Variants in AOPEP observed in about 807,000 individuals in gnomAD.
AOPEP encodes aminopeptidase O (putative).
AOPEP carries 77 observed loss-of-function variants against 98.1 expected under a neutral mutation model. The observed-to-expected ratio is 0.78, with a 90% confidence interval of 0.65 to 0.95. The LOEUF (loss-of-function observed/expected upper bound fraction) is 0.95, where lower values mean the gene tolerates loss of function less well. AOPEP is among the 40% of genes least tolerant of loss of function. The pLI, the probability that AOPEP is intolerant of heterozygous loss-of-function variation, is 0.00. For synonymous variants in AOPEP, 346 were observed against 365.3 expected (o/e 0.95, Z 0.60); for missense variants, 1,024 against 1,024.7 (o/e 1.00, Z 0.01).
chr9:95,036,796 C>T (rs937327006), intron 13 of AOPEP, among the ~76,000 whole-genome samples: 2 of 151,760 alleles, frequency 1.3e-5, no homozygotes, highest in African/African-American at 2.4e-5. Flanking sequence ...TGCCTGGGCA[C>T]CTTGGCTTAA....
chr9:94,944,071 T>A (rs1485205688), intron 7 of AOPEP, among the ~76,000 whole-genome samples: 1 of 151,870 alleles, frequency 6.6e-6, no homozygotes, highest in Non-Finnish European at 1.5e-5. Flanking sequence ...TACCACTTCA[T>A]ACCTACTAGG....
the AOPEP span, chr9:95,110,514 AT>A: frequency 9.7e-7 from 1 of 1,030,632 alleles, no homozygotes; most frequent in Non-Finnish European, 1.2e-6. Flanking sequence ...GTGGGTTATA[AT>A]TTTTTCACAA....
chr9:95,062,369 G>A (rs1275004941), intron 14 of AOPEP, among the ~76,000 whole-genome samples: 2 of 152,172 alleles, frequency 1.3e-5, no homozygotes, highest in South Asian at 2.1e-4. Context: ...ACATGTGACC[G>A]AGATGCATAT....
At chr9:95,085,966 C>T (rs774503340) in intron 16 of AOPEP, 7 of 1,350,908 alleles carry the variant, frequency 5.2e-6, no homozygotes, top group South Asian at 4.6e-5. Flanking sequence ...GCAGACGGTG[C>T]CCACGGAGCT....
chr9:95,024,827 C>T (rs550762319), intron 13 of AOPEP, among the ~76,000 whole-genome samples: 2 of 152,310 alleles, frequency 1.3e-5, no homozygotes, highest in East Asian at 3.9e-4. Context: ...TTCATCCTAT[C>T]GACTTCAGCT....
At chr9:94,802,990 G>A (rs942112682) in intron 5 of AOPEP, among the ~76,000 whole-genome samples, 5 of 152,168 alleles carry the variant, frequency 3.3e-5, no homozygotes, top group Admixed American at 3.3e-4. Flanking sequence ...TGGGGTTTAT[G>A]ACTCAGCTGG....
chr9:94,903,034 G>T (rs1340860715), intron 5 of AOPEP, among the ~76,000 whole-genome samples: 1 of 150,534 alleles, frequency 6.6e-6, no homozygotes, highest in Non-Finnish European at 1.5e-5. Flanking sequence ...AGGCTGGAGT[G>T]CAGTGGCCCG....
At chr9:94,988,481 C>G (rs2060659660) in intron 11 of AOPEP, among the ~76,000 whole-genome samples, 1 of 152,108 alleles carries the variant, frequency 6.6e-6, no homozygotes, top group Non-Finnish European at 1.5e-5. Flanking sequence ...GGCTCAGATG[C>G]AAACAGACAC....
chr9:94,822,584 C>T (rs1050241160), intron 5 of AOPEP, among the ~76,000 whole-genome samples: 3 of 152,130 alleles, frequency 2.0e-5, no homozygotes, highest in Admixed American at 6.5e-5. Context: ...CTTTGAGTTC[C>T]GTTTTTATAA....
At chr9:94,967,375 A>G (rs1450274769) in intron 9 of AOPEP, among the ~76,000 whole-genome samples, 2 of 152,166 alleles carry the variant, frequency 1.3e-5, no homozygotes, top group East Asian at 1.9e-4. Flanking sequence ...GTTAGTTCCT[A>G]GACTCTAGGA....
chr9:94,802,172 AG>A (rs952079870), intron 5 of AOPEP, among the ~76,000 whole-genome samples: 9 of 149,840 alleles, frequency 6.0e-5, no homozygotes, highest in Admixed American at 2.6e-4. Flanking sequence ...TTCTTAATGG[AG>A]GGGGGGGCTT....
chr9:94,728,266 C>T (rs569080938), intron 1 of AOPEP, among the ~76,000 whole-genome samples: 3 of 151,960 alleles, frequency 2.0e-5, no homozygotes, highest in Admixed American at 6.6e-5. Flanking sequence ...CACACACACA[C>T]ACACACCATC....
At position 94,726,708 on chromosome 9, in the gene AOPEP, C is replaced by T. The variant is rs1432103021; in HGVS notation, c.-179C>T. ...CGTGCCGGGGTAGCCCGTAGTAACCCCGAGTCTGCGGAAGTGGTGACCCGT... is the reference window on the plus strand; with the variant it reads ...CGTGCCGGGGTAGCCCGTAGTAACCTCGAGTCTGCGGAAGTGGTGACCCGT... On this transcript the variant is annotated 5_prime_UTR_variant, in exon 1 of 17. Coordinates refer to ENST00000375315, the MANE Select transcript of AOPEP (RefSeq NM_001193329.3). 6.6e-6 allele frequency: 1 copy of T among 152,332 alleles called. No homozygotes were observed. The highest frequency in any genetic ancestry group is 1.5e-5 in the Non-Finnish European group (1 of 68,110). 9.4% of individuals were successfully genotyped at this position (152,332 alleles called of 1,614,324 possible).
chr9:95,129,950 T>C, the AOPEP span, among the ~76,000 whole-genome samples: 1 of 152,150 alleles, frequency 6.6e-6, no homozygotes, highest in South Asian at 2.1e-4. Flanking sequence ...CAGAATTGCA[T>C]TGTTTATCTC....
chr9:94,742,420 G>T (rs1464627739), intron 1 of AOPEP, among the ~76,000 whole-genome samples: 1 of 151,834 alleles, frequency 6.6e-6, no homozygotes, highest in Non-Finnish European at 1.5e-5. Context: ...TACTCATTTA[G>T]AAATGTTTAT....
At chr9:95,030,624 A>C (rs375519725) in intron 13 of AOPEP, among the ~76,000 whole-genome samples, 1 of 152,162 alleles carries the variant, frequency 6.6e-6, no homozygotes, top group Non-Finnish European at 1.5e-5. Flanking sequence ...GCCTTTCTGC[A>C]TGTGGCCAGT....
At chr9:95,058,336 G>T (rs1361518109) in intron 13 of AOPEP, among the ~76,000 whole-genome samples, 1 of 152,168 alleles carries the variant, frequency 6.6e-6, no homozygotes, top group Admixed American at 6.5e-5. Flanking sequence ...AGGCTTCTTT[G>T]TAAGCACAAG....
At chr9:94,893,161 A>C (rs991826025) in intron 5 of AOPEP, among the ~76,000 whole-genome samples, 1 of 152,196 alleles carries the variant, frequency 6.6e-6, no homozygotes, top group Non-Finnish European at 1.5e-5. Flanking sequence ...TAGAATGGCA[A>C]CTGAACTCTA....
chr9:94,755,687 G>A (rs1836866958), intron 1 of AOPEP, among the ~76,000 whole-genome samples: 1 of 152,182 alleles, frequency 6.6e-6, no homozygotes, highest in Non-Finnish European at 1.5e-5. Context: ...GGTGACATTT[G>A]ATTTATGACT....
Sources: gnomAD v4.1 joint callset for allele counts (sites outside exome capture counted in the v4.1 genomes callset) on GRCh38, gnomAD v4.1.1 for gene constraint, MANE v1.5 for transcripts, NCBI Gene and HGNC (gene_info 2026-07-23, HGNC 2026-07-21) for gene names.